Variants in TRPC6 observed in about 807,000 individuals in gnomAD.
TRPC6 encodes short transient receptor potential channel 6.
Under a neutral mutation model 90.7 loss-of-function variants are expected in TRPC6, and 55 were observed. The ratio of observed to expected loss-of-function variants is 0.61; its 90% CI spans 0.49 to 0.76. The LOEUF is 0.76. TRPC6 is among the 30% of genes least tolerant of loss of function. The pLI is 0.00. For missense variants in TRPC6, 989 were observed against 1,122.7 expected (o/e 0.88, Z 1.70); for synonymous variants, 393 against 393.0 (o/e 1.00, Z 0.00).
chr11:101,563,900 C>T (rs1861771095), intron 1 of TRPC6, among the ~76,000 whole-genome samples: 1 of 152,094 alleles, frequency 6.6e-6, no homozygotes, highest in Non-Finnish European at 1.5e-5. Context: ...TCTACTTGTA[C>T]ATTTAGAGTG....
intron 1 of TRPC6, among the ~76,000 whole-genome samples, chr11:101,553,838 G>A (rs1440070633): frequency 6.6e-6 from 1 of 151,996 alleles, no homozygotes; most frequent in Non-Finnish European, 1.5e-5. Context: ...GATTTATCGT[G>A]TCCCAGATAC....
intron 6 of TRPC6, among the ~76,000 whole-genome samples, chr11:101,475,812 CTTT>C (rs1490552259): frequency 2.0e-5 from 3 of 151,288 alleles, no homozygotes; most frequent in Non-Finnish European, 4.4e-5. Context: ...GGATTTTCTT[CTTT>C]TAAAAGGTGG....
chr11:101,545,681 T>G (rs1036211163), intron 1 of TRPC6, among the ~76,000 whole-genome samples: 2 of 152,188 alleles, frequency 1.3e-5, no homozygotes, highest in African/African-American at 4.8e-5. Context: ...CCTTAATACA[T>G]TTCTTATAAT....
Position 101,573,950 on chromosome 11 carries a change from GTGTGTGTA to G in TRPC6, c.170+9376_170+9383del, listed in dbSNP as rs1341480452. Among the ~76,000 whole-genome samples, 128 of 132,834 alleles carry G rather than the reference GTGTGTGTA, an allele frequency of 9.6e-4. 3 individuals carry two copies. The highest frequency in any genetic ancestry group is 1.4e-3 in the South Asian group (6 of 4,262). The allele number at this position is 132,834 out of a possible 152,430, so 87.1% of individuals were successfully genotyped here. On this transcript the variant is annotated intron_variant, in intron 1 of 12. Coordinates refer to ENST00000344327, the MANE Select transcript of TRPC6 (RefSeq NM_004621.6). ...TGTGTGTGTGTGTGTGTGTGTGTGT[GTGTGTGTA>G]TGTGTGTGTGTGTTGAGAAGGGTGG...
At chr11:101,467,519 A>G (rs1859176505) in intron 10 of TRPC6, among the ~76,000 whole-genome samples, 2 of 152,230 alleles carry the variant, frequency 1.3e-5, no homozygotes, top group South Asian at 2.1e-4. Flanking sequence ...GTGAACAAGT[A>G]AAGAGTCTTA....
Position 101,489,027 on chromosome 11 carries a change from C to T in TRPC6, c.1203G>A (p.Gln401=). The change falls in exon 4 of 13, where the codon CAG becomes CAA. Residue 401 remains glutamine (Q), a synonymous_variant. Transcript: ENST00000344327. ...CCACAAGGAACTTGACCGCCATTGTCTGCTGTCGTAAACCAGAAAGATTCT... is the reference window on the plus strand; with the variant it reads ...CCACAAGGAACTTGACCGCCATTGTTTGCTGTCGTAAACCAGAAAGATTCT... ...WYENLSGLRQ[Q]TMAVKFLVVL... 1.2e-6 allele frequency: 2 copies of T among 1,614,180 alleles called. No homozygotes were observed. Among genetic ancestry groups the T allele is most frequent in the Non-Finnish European group, 1.7e-6 (2 of 1,180,016 alleles).
intron 10 of TRPC6, among the ~76,000 whole-genome samples, chr11:101,462,768 A>G (rs1003068507): frequency 2.0e-5 from 3 of 152,134 alleles, no homozygotes; most frequent in Admixed American, 6.5e-5. Context: ...AGATAATTTG[A>G]CTTCCTCTTT....
intron 1 of TRPC6, among the ~76,000 whole-genome samples, chr11:101,540,679 G>C (rs138876117): frequency 8.5e-4 from 130 of 152,240 alleles, no homozygotes; most frequent in African/African-American, 3.0e-3. Context: ...TTCATGTAAG[G>C]AGTCCAGTTA....
At chr11:101,492,246 C>G (rs1859844366) in intron 2 of TRPC6, among the ~76,000 whole-genome samples, 1 of 151,968 alleles carries the variant, frequency 6.6e-6, no homozygotes, top group South Asian at 2.1e-4. Flanking sequence ...TCTTCATACC[C>G]TCAAAAAGGA....
intron 1 of TRPC6, among the ~76,000 whole-genome samples, chr11:101,522,467 C>A (rs1860685162): frequency 6.6e-6 from 1 of 152,142 alleles, no homozygotes; most frequent in Non-Finnish European, 1.5e-5. Flanking sequence ...ATAAATTACC[C>A]AGTCTTAGGT....
At chr11:101,480,617 C>T (rs1462227033) in intron 5 of TRPC6, among the ~76,000 whole-genome samples, 5 of 151,698 alleles carry the variant, frequency 3.3e-5, no homozygotes, top group Admixed American at 6.6e-5. Context: ...TTCATCTTGT[C>T]CTAAAACAGT....
intron 2 of TRPC6, among the ~76,000 whole-genome samples, chr11:101,497,453 C>G (rs569750359): frequency 6.6e-6 from 1 of 152,146 alleles, no homozygotes; most frequent in South Asian, 2.1e-4. Flanking sequence ...TGAAACAATG[C>G]CAAGCATTTT....
At chr11:101,554,199 C>T (rs998387630) in intron 1 of TRPC6, among the ~76,000 whole-genome samples, 7 of 152,048 alleles carry the variant, frequency 4.6e-5, no homozygotes, top group Non-Finnish European at 1.0e-4. Flanking sequence ...ATGTGTGAGA[C>T]AGTATATTCT....
At chr11:101,541,728 C>T (rs1199341329) in intron 1 of TRPC6, among the ~76,000 whole-genome samples, 1 of 152,174 alleles carries the variant, frequency 6.6e-6, no homozygotes, top group Non-Finnish European at 1.5e-5. Context: ...CTGGAGGATG[C>T]CTTCTTCAAT....
intron 1 of TRPC6, among the ~76,000 whole-genome samples, chr11:101,534,642 T>C (rs1333365857): frequency 6.6e-6 from 1 of 151,828 alleles, no homozygotes; most frequent in African/African-American, 2.4e-5. Context: ...TAACTCCATA[T>C]ATTCCTAATT....
rs528858270 is a variant in TRPC6, at chr11:101,526,725, G to A, written c.171-21927C>T. On this transcript the variant is annotated intron_variant, in intron 1 of 12. Transcript: ENST00000344327. ...AAAATACACAAAAAATTAGCTGGGC[G>A]TGGTGGCGGGTGCCTGTAATCCCAG... Among the ~76,000 whole-genome samples, 48 of 151,486 alleles carry A rather than the reference G, an allele frequency of 3.2e-4. No homozygotes were observed. The South Asian group carries it at 4.4e-3, about 14-fold the overall frequency.
intron 1 of TRPC6, among the ~76,000 whole-genome samples, chr11:101,577,356 A>G (rs904883735): frequency 6.6e-6 from 1 of 152,178 alleles, no homozygotes; most frequent in African/African-American, 2.4e-5. Context: ...TTTTATTTGG[A>G]AATACCTCGT....
At chr11:101,547,984 C>A (rs1378273213) in intron 1 of TRPC6, among the ~76,000 whole-genome samples, 1 of 152,038 alleles carries the variant, frequency 6.6e-6, no homozygotes, top group African/African-American at 2.4e-5. Context: ...ACATACTTCT[C>A]ACATATAAAC....
At position 101,504,308 on chromosome 11, in the gene TRPC6, TCA is replaced by T. The variant is rs1860201335; in HGVS notation, c.659_660del (p.Val220AspfsTer13). 6.2e-7 allele frequency: 1 copy of T among 1,612,986 alleles called. No individual in the cohort carries two copies. The highest frequency in any genetic ancestry group is 1.7e-5 in the Admixed American group (1 of 59,960). On this transcript the variant is annotated frameshift_variant, in exon 2 of 13. Coordinates refer to ENST00000344327, the MANE Select transcript of TRPC6 (RefSeq NM_004621.6). LOFTEE classifies it high-confidence loss of function. ...DEDGTRFSHD[V>X]TPIILAAHCQ... Reference sequence around the variant, plus strand: ...CAGTGGGCAGCCAGAATGATTGGAGTCACATCATGGGAGAACCGTGTCCCATC... The same window carrying T: ...CAGTGGGCAGCCAGAATGATTGGAGTCATCATGGGAGAACCGTGTCCCATC...
Sources: gnomAD v4.1 joint callset for allele counts (sites outside exome capture counted in the v4.1 genomes callset) on GRCh38, gnomAD v4.1.1 for gene constraint, MANE v1.5 for transcripts, NCBI Gene and HGNC (gene_info 2026-07-23, HGNC 2026-07-21) for gene names.